Variants in CSMD3 observed in about 807,000 individuals in gnomAD.
The protein encoded by CSMD3 is CUB and sushi domain-containing protein 3.
CSMD3 carries 177 observed loss-of-function variants against 435.2 expected under a neutral mutation model. The observed-to-expected ratio is 0.41, with a 90% CI of 0.36 to 0.46. The LOEUF is 0.46. Ranked by LOEUF, CSMD3 falls within the 20% of genes least tolerant of loss-of-function variation. The probability of loss-of-function intolerance (pLI) is 0.34; values close to 1 mark genes in which losing one functional copy is unlikely to be tolerated. For synonymous variants in CSMD3, 1,656 were observed against 1,520.5 expected (o/e 1.09, Z -2.07); for missense variants, 4,265 against 4,504.6 (o/e 0.95, Z 1.52).
intron 9 of CSMD3, among the ~76,000 whole-genome samples, chr8:112,935,395 G>C (rs1432882045): frequency 6.6e-6 from 1 of 152,032 alleles, no homozygotes; most frequent in Non-Finnish European, 1.5e-5. Context: ...GTGCTTTCAT[G>C]TGAATTTTAA....
intron 16 of CSMD3, among the ~76,000 whole-genome samples, chr8:112,678,986 C>A: frequency 6.7e-6 from 1 of 149,454 alleles, no homozygotes; most frequent in South Asian, 2.1e-4. Flanking sequence ...AGACTGTCTA[C>A]AGAAAAAAGG....
chr8:113,223,484 T>C (rs1588308569), intron 3 of CSMD3, among the ~76,000 whole-genome samples: 1 of 150,614 alleles, frequency 6.6e-6, no homozygotes, highest in African/African-American at 2.4e-5. Flanking sequence ...GGATTAATGA[T>C]TGTAAAACAC....
At chr8:112,953,145 G>T (rs532598906) in intron 8 of CSMD3, among the ~76,000 whole-genome samples, 1 of 151,280 alleles carries the variant, frequency 6.6e-6, no homozygotes, top group Admixed American at 6.6e-5. Context: ...ATTCTAATAC[G>T]CTGTAATTCT....
intron 1 of CSMD3, among the ~76,000 whole-genome samples, chr8:113,433,652 C>T (rs756316093): frequency 6.6e-6 from 1 of 152,252 alleles, no homozygotes; most frequent in Non-Finnish European, 1.5e-5. Context: ...CACCTGCTGC[C>T]TACCCAGAGA....
intron 4 of CSMD3, among the ~76,000 whole-genome samples, chr8:113,155,659 T>C (rs2091915059): frequency 6.6e-6 from 1 of 152,160 alleles, no homozygotes; most frequent in African/African-American, 2.4e-5. Context: ...TTGAAATTAA[T>C]TTCAACGAGG....
intron 13 of CSMD3, among the ~76,000 whole-genome samples, chr8:112,731,424 CT>C (rs957711979): frequency 2.6e-5 from 4 of 152,226 alleles, no homozygotes; most frequent in African/African-American, 9.6e-5. Flanking sequence ...GATGCTTTAT[CT>C]TCCATCAGTA....
chr8:112,638,914 A>C lies in CSMD3; in HGVS notation c.3311-3T>G, dbSNP rs768319974. The C allele has an allele frequency of 6.3e-7, 1 of 1,588,824 alleles. No homozygotes were observed. The highest frequency in any genetic ancestry group is 8.6e-7 in the Non-Finnish European group (1 of 1,157,320). The stretch of plus-strand genomic sequence containing the variant: ...AGTGTGGAAGTTGAACTGCACACCT[A>C]TTAAGAAAAATAGAAACACTGAATT... On this transcript the variant is annotated splice_polypyrimidine_tract_variant and splice_region_variant and intron_variant, in intron 20 of 70. Transcript: ENST00000297405.
At chr8:112,573,848 T>A (rs531256188) in intron 23 of CSMD3, among the ~76,000 whole-genome samples, 191 bp from the exon 24 acceptor site, 1 of 152,174 alleles carries the variant, frequency 6.6e-6, no homozygotes, top group South Asian at 2.1e-4. Context: ...TGTATAATTT[T>A]AAAATTCCAA....
Position 113,200,200 on chromosome 8 carries a change from CT to C in CSMD3, c.515-26285del, listed in dbSNP as rs199751235. ...CCTTATTTCTGTGACTCCTCTTATT[CT>C]TTTTTTTTCCTGATTCATCTGTGGA... On this transcript the variant is annotated intron_variant, in intron 3 of 70. Transcript: ENST00000297405. Among the ~76,000 whole-genome samples, 378 of 151,060 alleles carry C rather than the reference CT, an allele frequency of 2.5e-3. 2 individuals are homozygous for C. Among genetic ancestry groups the C allele is most frequent in the African/African-American group, 8.7e-3 (360 of 41,204 alleles).
At chr8:112,295,043 A>G (rs776021331) in intron 54 of CSMD3, among the ~76,000 whole-genome samples, 7 of 152,080 alleles carry the variant, frequency 4.6e-5, no homozygotes, top group Non-Finnish European at 1.0e-4. Flanking sequence ...TCTCTCATCT[A>G]TCACTCCTCT....
At chr8:112,863,966 A>G (rs2080900011) in intron 10 of CSMD3, among the ~76,000 whole-genome samples, 1 of 152,130 alleles carries the variant, frequency 6.6e-6, no homozygotes, top group South Asian at 2.1e-4. Context: ...AAAGATTAGA[A>G]CAAAATGTGG....
At chr8:112,734,526 A>C (rs1587119276) in intron 13 of CSMD3, among the ~76,000 whole-genome samples, 1 of 151,956 alleles carries the variant, frequency 6.6e-6, no homozygotes, top group Non-Finnish European at 1.5e-5. Flanking sequence ...TTTTTGTGAG[A>C]CTTTTGTCTC....
At chr8:112,617,941 T>C (rs867844798) in intron 22 of CSMD3, among the ~76,000 whole-genome samples, 20 of 152,110 alleles carry the variant, frequency 1.3e-4, no homozygotes, top group Admixed American at 5.9e-4. Flanking sequence ...GCCAGTAGGA[T>C]TGGACAGGGC....
chr8:112,683,799 A>G (rs1279296056), intron 15 of CSMD3, among the ~76,000 whole-genome samples: 1 of 151,884 alleles, frequency 6.6e-6, no homozygotes, highest in Non-Finnish European at 1.5e-5. Context: ...GATGCTGGTT[A>G]TAAATTGTAT....
intron 24 of CSMD3, among the ~76,000 whole-genome samples, chr8:112,567,163 T>A (rs1324041293): frequency 2.0e-5 from 3 of 152,154 alleles, no homozygotes; most frequent in Admixed American, 2.0e-4. Context: ...TACAGGCATA[T>A]AACTCAAGCT....
chr8:112,729,902 T>C (rs1351356220), intron 13 of CSMD3, among the ~76,000 whole-genome samples: 1 of 152,122 alleles, frequency 6.6e-6, no homozygotes, highest in East Asian at 1.9e-4. Context: ...TCCAGAACTC[T>C]GAGAGAATAA....
intron 2 of CSMD3, chr8:113,309,821 TC>T (rs1441423524): frequency 6.6e-6 from 1 of 152,220 alleles, no homozygotes; most frequent in Non-Finnish European, 1.5e-5. Flanking sequence ...CATGCTGTTT[TC>T]CACAACTGAG....
At chr8:112,255,449 C>A (rs2130281337) in intron 61 of CSMD3, 22 bp from the exon 62 acceptor site, 2 of 1,611,668 alleles carry the variant, frequency 1.2e-6, no homozygotes, top group Non-Finnish European at 8.5e-7. Flanking sequence ...AAGAAAGACG[C>A]TTATATCAAA....
At chr8:112,255,205 CT>C in intron 62 of CSMD3, 48 bp downstream of exon 62, 1 of 1,440,304 alleles carries the variant, frequency 6.9e-7, no homozygotes, top group South Asian at 1.1e-5. Context: ...AATGTCACCC[CT>C]ATTAATTACA....
Sources: allele counts gnomAD v4.1 joint callset (sites outside exome capture counted in the v4.1 genomes callset), GRCh38; gene constraint gnomAD v4.1.1; transcripts MANE v1.5; gene names NCBI Gene and HGNC (gene_info 2026-07-23, HGNC 2026-07-21).